DBT: variants seen among roughly 807,000 people sequenced by gnomAD.
The protein encoded by DBT is dihydrolipoamide branched chain transacylase E2, also known as lipoamide acyltransferase component of branched-chain alpha-keto acid dehydrogenase complex, mitochondrial.
Under a neutral mutation model 51.3 loss-of-function variants are expected in DBT, and 40 were observed. The observed-to-expected ratio is 0.78, with a 90% CI of 0.61 to 1.02. The LOEUF is 1.02. DBT is among the 50% of genes least tolerant of loss of function. The pLI is 0.00. For missense variants in DBT, 510 were observed against 580.2 expected, an observed-to-expected ratio of 0.88 and a Z score of 1.24; for synonymous variants, 181 against 190.4, an observed-to-expected ratio of 0.95 and a Z score of 0.41.
In DBT at chr1:100,192,779, G is replaced by C. The variant is rs1329970531; in HGVS notation, c.*3476C>G. The C allele has an allele frequency of 6.6e-6, 1 of 152,068 alleles. No individual in the cohort carries two copies. Among genetic ancestry groups the C allele is most frequent in the Non-Finnish European group, 1.5e-5 (1 of 68,030 alleles). 9.4% of individuals were successfully genotyped at this position (152,068 alleles called of 1,614,324 possible). ...TGTACTTCCTTTTCAAATATCAGAG[G>C]AATGCTCAAAATAATGAAAAGAGCC... On this transcript the variant is annotated 3_prime_UTR_variant, in exon 11 of 11. Coordinates refer to ENST00000370132, the MANE Select transcript of DBT (RefSeq NM_001918.5).
At chr1:100,219,962 T>C (rs560314542) in intron 4 of DBT, among the ~76,000 whole-genome samples, 2 of 152,036 alleles carry the variant, frequency 1.3e-5, no homozygotes, top group Admixed American at 6.5e-5. Flanking sequence ...CAGGGCAACA[T>C]AGGGAGACCC....
At chr1:100,243,261 A>C (rs1286258277) in intron 1 of DBT, among the ~76,000 whole-genome samples, 3 of 8,452 alleles carry the variant, frequency 3.5e-4, no homozygotes, top group African/African-American at 5.0e-4. Context: ...CCTTGTCTCC[A>C]AAAAAAAAAA....
chr1:100,215,033 CAT>C (rs763815772), intron 6 of DBT, 50 bp from the exon 7 acceptor site: 37 of 1,166,956 alleles, frequency 3.2e-5, no homozygotes, highest in African/African-American at 7.2e-5. Flanking sequence ...CAAATCTCTT[CAT>C]CCTTTTTTTT....
In DBT at chr1:100,195,484, A is replaced by G. The variant is rs1015603176; in HGVS notation, c.*771T>C. 1 of 152,342 alleles carries G rather than the reference A, an allele frequency of 6.6e-6. No individual in the cohort carries two copies. Among genetic ancestry groups the G allele is most frequent in the Non-Finnish European group, 1.5e-5 (1 of 68,058 alleles). 9.4% of individuals were successfully genotyped at this position (152,342 alleles called of 1,614,324 possible). On this transcript the variant is annotated 3_prime_UTR_variant, in exon 11 of 11. Coordinates refer to ENST00000370132, the MANE Select transcript of DBT (RefSeq NM_001918.5). ...CAAGAATATACTCTTGGATATCTCA[A>G]AAGAGAAGTATAATTGCACTTATTT... is the stretch of plus-strand genomic sequence containing the variant.
intron 2 of DBT, among the ~76,000 whole-genome samples, chr1:100,238,880 T>C (rs558846775): frequency 1.3e-5 from 2 of 152,178 alleles, no homozygotes; most frequent in South Asian, 4.1e-4. Flanking sequence ...TGTGTGTAGA[T>C]GTAGTACAAG....
chr1:100,198,413 G>C (rs1244852469), intron 10 of DBT, among the ~76,000 whole-genome samples: 2 of 152,206 alleles, frequency 1.3e-5, no homozygotes. Flanking sequence ...ACAGATGGTG[G>C]TGATGGTGGC....
At chr1:100,248,268 A>G (rs749959013) in intron 1 of DBT, among the ~76,000 whole-genome samples, 17 of 152,224 alleles carry the variant, frequency 1.1e-4, no homozygotes, top group Non-Finnish European at 2.4e-4. Flanking sequence ...TAGGAAAAGG[A>G]CAAATGAACT....
At chr1:100,236,246 C>T (rs145101328) in intron 2 of DBT, among the ~76,000 whole-genome samples, 30 of 152,278 alleles carry the variant, frequency 2.0e-4, no homozygotes, top group Non-Finnish European at 3.4e-4. Flanking sequence ...CCACCCACCA[C>T]ACCCAGCTTC....
At chr1:100,207,514 A>C (rs926309907) in intron 8 of DBT, among the ~76,000 whole-genome samples, 2 of 152,102 alleles carry the variant, frequency 1.3e-5, no homozygotes, top group African/African-American at 4.8e-5. Flanking sequence ...AATAAAAAAA[A>C]AAGAGAAAAA....
intron 1 of DBT, among the ~76,000 whole-genome samples, chr1:100,246,662 T>A (rs1408282858): frequency 6.6e-6 from 1 of 152,280 alleles, no homozygotes; most frequent in African/African-American, 2.4e-5. Flanking sequence ...ACCTGACTTT[T>A]TTTTTTACTG....
At chr1:100,237,950 G>A (rs1408907723) in intron 2 of DBT, among the ~76,000 whole-genome samples, 2 of 152,148 alleles carry the variant, frequency 1.3e-5, no homozygotes, top group Non-Finnish European at 2.9e-5. Context: ...ACAGAAGTAT[G>A]TGATTTATAT....
At chr1:100,211,181 C>G (rs929096150) in intron 7 of DBT, 1 of 767,016 alleles carries the variant, frequency 1.3e-6, no homozygotes, top group East Asian at 2.4e-5. Context: ...GGAAAGAACA[C>G]GTAACGAGGA....
rs917135647 is a variant in DBT at position 100,192,263 on chromosome 1, A to T, written c.*3992T>A. The T allele has an allele frequency of 4.6e-5, 7 of 152,234 alleles. No individual in the cohort carries two copies. The highest frequency in any genetic ancestry group is 3.3e-4 in the Admixed American group (5 of 15,284). The allele number at this position is 152,234 out of a possible 1,614,324, so 9.4% of individuals were successfully genotyped here. On this transcript the variant is annotated 3_prime_UTR_variant, in exon 11 of 11. Transcript: ENST00000370132. ...TTCTCTAGGTTATTGGCACAGACCC[A>T]CTTCCAGTGATAGCTTTAATTATTG...
rs1490631603 is a variant in DBT, at chr1:100,196,244, CT to C, written c.*10del. 6.8e-6 allele frequency: 11 copies of C among 1,612,368 alleles called. No individual in the cohort carries two copies. Among genetic ancestry groups the C allele is most frequent in the Non-Finnish European group, 9.3e-6 (11 of 1,178,878 alleles). ...GGAAGCTCAAAAAGTTCAAGAATGT[CT>C]TATCAGTCTTCATTTCAGATCTAGT... On this transcript the variant is annotated 3_prime_UTR_variant, in exon 11 of 11. Transcript: ENST00000370132.
intron 7 of DBT, chr1:100,211,173 A>G (rs535495104): frequency 1.3e-6 from 1 of 773,352 alleles, no homozygotes; most frequent in Non-Finnish European, 2.4e-6. Context: ...CTCTGTGTGG[A>G]AAGAACACGT....
chr1:100,244,226 A>C (rs1017425226), intron 1 of DBT, among the ~76,000 whole-genome samples: 1 of 152,192 alleles, frequency 6.6e-6, no homozygotes, highest in African/African-American at 2.4e-5. Flanking sequence ...AAGGCAGAGG[A>C]AACAGCATAA....
rs145189483 is a variant in DBT, at chr1:100,207,027, C to T, written c.1018-391G>A. ...CTGGGAGGTGGAGGTTGCAGTGGGCCGAGATTGTGCCACTGCACTCCAGCC... is the reference window on the plus strand; with the variant it reads ...CTGGGAGGTGGAGGTTGCAGTGGGCTGAGATTGTGCCACTGCACTCCAGCC... On this transcript the variant is annotated intron_variant, in intron 8 of 10. Coordinates refer to ENST00000370132, the MANE Select transcript of DBT (RefSeq NM_001918.5). Among the ~76,000 whole-genome samples the T allele has an allele frequency of 7.9e-3, 1,201 of 152,080 alleles. 21 individuals carry two copies. Among genetic ancestry groups the T allele is most frequent in the African/African-American group, 0.028 (1,152 of 41,482 alleles).
Position 100,193,756 on chromosome 1 carries a change from C to A in DBT, c.*2499G>T, listed in dbSNP as rs1055455127. The A allele has an allele frequency of 6.6e-6, 1 of 152,166 alleles. No individual in the cohort carries two copies. Among genetic ancestry groups the A allele is most frequent in the African/African-American group, 2.4e-5 (1 of 41,414 alleles). The allele number at this position is 152,166 out of a possible 1,614,324, so 9.4% of individuals were successfully genotyped here. ...GTAGGTGGACTACAGGCGCCTGCCACCGTGCCTGGCTGATTTTTGTATTTT... is the reference window on the plus strand; with the variant it reads ...GTAGGTGGACTACAGGCGCCTGCCAACGTGCCTGGCTGATTTTTGTATTTT... On this transcript the variant is annotated 3_prime_UTR_variant, in exon 11 of 11. Coordinates refer to ENST00000370132, the MANE Select transcript of DBT (RefSeq NM_001918.5).
chr1:100,221,265 A>C (rs139551757), intron 4 of DBT, among the ~76,000 whole-genome samples: 161 of 152,324 alleles, frequency 1.1e-3, no homozygotes, highest in African/African-American at 3.7e-3. Context: ...AGTTGTTGGA[A>C]GAAAGCTGTC....
Sources: allele counts gnomAD v4.1 joint callset (sites outside exome capture counted in the v4.1 genomes callset), GRCh38; gene constraint gnomAD v4.1.1; transcripts MANE v1.5; gene names NCBI Gene and HGNC (gene_info 2026-07-23, HGNC 2026-07-21).